Variants in EPHA6 observed in about 807,000 individuals in gnomAD.
EPHA6 encodes EPH receptor A6, also known as ephrin type-A receptor 6.
Under a neutral mutation model 112.0 loss-of-function variants are expected in EPHA6, and 50 were observed. The observed-to-expected ratio is 0.45, with a 90% CI of 0.36 to 0.56. EPHA6 has a LOEUF of 0.56. Ranked by LOEUF, EPHA6 falls within the 20% of genes least tolerant of loss-of-function variation. EPHA6 has a pLI of 0.00. For missense variants in EPHA6, 1,280 were observed against 1,417.4 expected (o/e 0.90, Z 1.56); for synonymous variants, 529 against 490.7 (o/e 1.08, Z -1.03).
rs113417776 is a variant in EPHA6 at position 97,231,996 on chromosome 3, C to G, written c.1270+5577C>G. Reference sequence around the variant, plus strand: ...TTGTGCTGTGGGAATGAAAGGGGATCAGAGAGACAGGTTGACAGGAAAGGT... The same window carrying G: ...TTGTGCTGTGGGAATGAAAGGGGATGAGAGAGACAGGTTGACAGGAAAGGT... On this transcript the variant is annotated intron_variant, in intron 4 of 17. Transcript: ENST00000389672. Among the ~76,000 whole-genome samples the G allele has an allele frequency of 5.5e-3, 841 of 152,162 alleles. 5 individuals carry two copies. Among genetic ancestry groups the G allele is most frequent in the Non-Finnish European group, 9.3e-3 (629 of 67,990 alleles).
intron 10 of EPHA6, among the ~76,000 whole-genome samples, chr3:97,491,533 A>T (rs1214967654): frequency 6.6e-6 from 1 of 151,546 alleles, no homozygotes; most frequent in Non-Finnish European, 1.5e-5. Flanking sequence ...AGTTCCTCCC[A>T]CTTTCTTATA....
chr3:97,634,389 A>G (rs1222531037), intron 13 of EPHA6, among the ~76,000 whole-genome samples: 1 of 151,774 alleles, frequency 6.6e-6, no homozygotes, highest in East Asian at 1.9e-4. Flanking sequence ...CTTTTCGTCA[A>G]GCCCACATTT....
chr3:97,416,507 A>G lies in EPHA6; in HGVS notation c.1731+11233A>G, dbSNP rs541965484. Among the ~76,000 whole-genome samples the G allele has an allele frequency of 1.8e-3, 268 of 152,266 alleles. 2 individuals are homozygous for G. Among genetic ancestry groups the G allele is most frequent in the South Asian group, 3.5e-3 (17 of 4,832 alleles). On this transcript the variant is annotated intron_variant, in intron 6 of 17. Transcript: ENST00000389672. ...GAAGATTCTAGGTAAAGGGAACATA[A>G]GTGTGAAAGTCCAAGGTAAGGAACT...
At chr3:97,437,289 T>C (rs1174015668) in intron 6 of EPHA6, among the ~76,000 whole-genome samples, 1 of 152,162 alleles carries the variant, frequency 6.6e-6, no homozygotes, top group Non-Finnish European at 1.5e-5. Context: ...CCCACTTTTG[T>C]TGTTTTTCAA....
At chr3:97,624,077 C>T (rs777439002) in intron 13 of EPHA6, among the ~76,000 whole-genome samples, 2 of 151,560 alleles carry the variant, frequency 1.3e-5, no homozygotes, top group African/African-American at 4.8e-5. Context: ...TATGTTGAAT[C>T]GAAGTTGTGA....
At chr3:97,440,121 A>G (rs1366637935) in intron 6 of EPHA6, among the ~76,000 whole-genome samples, 1 of 152,162 alleles carries the variant, frequency 6.6e-6, no homozygotes, top group African/African-American at 2.4e-5. Context: ...TTCAATAAGT[A>G]GAGGAGGGGA....
intron 14 of EPHA6, among the ~76,000 whole-genome samples, chr3:97,693,972 A>C (rs1375310039): frequency 2.0e-5 from 3 of 152,200 alleles, no homozygotes; most frequent in East Asian, 3.9e-4. Flanking sequence ...GATTCGCATG[A>C]AGCTCTTCAT....
chr3:97,245,668 A>C (rs1308608502), intron 5 of EPHA6, among the ~76,000 whole-genome samples: 1 of 152,008 alleles, frequency 6.6e-6, no homozygotes, highest in Non-Finnish European at 1.5e-5. Flanking sequence ...TTGATATAAT[A>C]TAATTACAGA....
At position 97,244,320 on chromosome 3, in the gene EPHA6, C is replaced by A. The variant is rs771073897; in HGVS notation, c.1606+33C>A. ...CCACTGCTGTTCTCTCAAAACAGAC[C>A]CATAATTTCTTTTGATGCATAAATA... On this transcript the variant is annotated intron_variant, in intron 5 of 17. Transcript: ENST00000389672. 3 of 1,582,300 alleles carry A rather than the reference C, an allele frequency of 1.9e-6. No homozygotes were observed. In the Admixed American group the frequency reaches 5.0e-5, roughly 27 times the overall value.
intron 3 of EPHA6, among the ~76,000 whole-genome samples, chr3:97,167,487 T>G (rs1576605238): frequency 6.6e-6 from 1 of 152,106 alleles, no homozygotes; most frequent in East Asian, 1.9e-4. Flanking sequence ...TATGTTTAGG[T>G]GTGGATATTC....
At chr3:97,616,757 A>G (rs2093770063) in intron 13 of EPHA6, among the ~76,000 whole-genome samples, 2 of 152,168 alleles carry the variant, frequency 1.3e-5, no homozygotes, top group Non-Finnish European at 2.9e-5. Context: ...GAATAAACAA[A>G]ACCTCCAAGA....
chr3:96,863,494 C>G (rs78178178), intron 1 of EPHA6, among the ~76,000 whole-genome samples: 3,469 of 151,886 alleles, frequency 0.023, 139 homozygotes, highest in African/African-American at 0.079. Context: ...GTCTGAAATG[C>G]AAATTTGGAA....
Position 97,091,414 on chromosome 3 carries a change from A to G in EPHA6, c.1114+103421A>G, listed in dbSNP as rs557569838. On this transcript the variant is annotated intron_variant, in intron 3 of 17. Transcript: ENST00000389672. ...GTGTTTTTAAGAAGATTACATTCCG[A>G]ACAAATGTTATCCTAAGAATCTGAG... 8.3e-4 allele frequency among the ~76,000 whole-genome samples: 127 copies of G among 152,282 alleles called. 1 individual carries two copies. Among genetic ancestry groups the G allele is most frequent in the East Asian group, 1.2e-3 (6 of 5,174 alleles).
intron 12 of EPHA6, among the ~76,000 whole-genome samples, chr3:97,596,765 G>T: frequency 1.0e-5 from 1 of 99,244 alleles, no homozygotes; most frequent in East Asian, 2.9e-4. Context: ...TACTAATGAA[G>T]TAACTCATAT....
At chr3:97,017,110 C>T (rs143049168) in intron 3 of EPHA6, among the ~76,000 whole-genome samples, 155 of 152,306 alleles carry the variant, frequency 1.0e-3, no homozygotes, top group African/African-American at 3.6e-3. Flanking sequence ...TAACAACTAT[C>T]TACCCAAAAT....
At chr3:97,587,104 A>G (rs1376043049) in intron 11 of EPHA6, among the ~76,000 whole-genome samples, 1 of 152,082 alleles carries the variant, frequency 6.6e-6, no homozygotes, top group African/African-American at 2.4e-5. Context: ...TTAGCCGGAC[A>G]TGGCGGCGGG....
intron 11 of EPHA6, among the ~76,000 whole-genome samples, chr3:97,576,286 A>AT (rs68086930): frequency 0.29 from 43,556 of 151,586 alleles, 9,940 homozygotes; most frequent in African/African-American, 0.62. Context: ...TTGTTTATTC[A>AT]TTTTTTTTCC....
At chr3:97,203,903 C>T (rs1266856888) in intron 3 of EPHA6, among the ~76,000 whole-genome samples, 5 of 152,044 alleles carry the variant, frequency 3.3e-5, no homozygotes, top group East Asian at 1.9e-4. Context: ...TTAGTGGGTG[C>T]AGCGCACCAG....
intron 10 of EPHA6, among the ~76,000 whole-genome samples, chr3:97,502,787 T>C (rs140106880): frequency 2.9e-3 from 402 of 137,970 alleles, no homozygotes; most frequent in Middle Eastern, 8.1e-3. Context: ...TGAGCCGAGA[T>C]TGTGTCATTA....
Sources: gnomAD v4.1 joint callset for allele counts (sites outside exome capture counted in the v4.1 genomes callset) on GRCh38, gnomAD v4.1.1 for gene constraint, MANE v1.5 for transcripts, NCBI Gene and HGNC (gene_info 2026-07-23, HGNC 2026-07-21) for gene names.